MEGF9: variants seen among roughly 807,000 people sequenced by gnomAD.
MEGF9 encodes multiple epidermal growth factor-like domains protein 9.
A neutral mutation model predicts 46.8 loss-of-function variants in MEGF9; 6 were observed. That is an observed-to-expected ratio of 0.13 (90% CI 0.07 to 0.25). The LOEUF (loss-of-function observed/expected upper bound fraction) is 0.25. Among genes scored for constraint, MEGF9 ranks in the 10% least tolerant of loss-of-function variants. The pLI, the probability that MEGF9 is intolerant of heterozygous loss-of-function variation, is 1.00. For synonymous variants in MEGF9, 302 were observed against 330.7 expected (o/e 0.91, Z 0.94); for missense variants, 683 against 792.4 (o/e 0.86, Z 1.66).
At chr9:120,710,087 T>C (rs183472543) in intron 1 of MEGF9, among the ~76,000 whole-genome samples, 116 of 149,410 alleles carry the variant, frequency 7.8e-4, no homozygotes, top group Non-Finnish European at 1.3e-3. Flanking sequence ...GTCTTACTGA[T>C]TATTATTACC....
intron 1 of MEGF9, among the ~76,000 whole-genome samples, chr9:120,660,662 T>C (rs915651861): frequency 6.6e-6 from 1 of 152,194 alleles, no homozygotes; most frequent in Non-Finnish European, 1.5e-5. Flanking sequence ...AAAGACTCAT[T>C]TAAAGGTCAG....
chr9:120,628,394 C>T (rs1210533867), intron 2 of MEGF9, among the ~76,000 whole-genome samples: 2 of 146,900 alleles, frequency 1.4e-5, no homozygotes, highest in Non-Finnish European at 3.0e-5. Context: ...CTAAACATTC[C>T]TTGTATTTTT....
intron 1 of MEGF9, among the ~76,000 whole-genome samples, chr9:120,688,542 G>A (rs757666318): frequency 1.6e-4 from 25 of 152,108 alleles, no homozygotes; most frequent in Non-Finnish European, 3.1e-4. Context: ...CAAAATTAAC[G>A]CCCTCATGGA....
chr9:120,659,787 CAG>C lies in MEGF9; in HGVS notation c.602-214_602-213del, dbSNP rs1491519585. Among the ~76,000 whole-genome samples the C allele has an allele frequency of 6.6e-5, 8 of 120,628 alleles. No homozygotes were observed. The South Asian group carries it at 1.4e-3, about 22-fold the overall frequency. The allele number at this position is 120,628 out of a possible 152,430, so 79.1% of individuals were successfully genotyped here. ...CATAAATTATGTAGTGTGTGTGTGA[CAG>C]TGTGTGTGTGTGTGTGTGTGTGTGT... is the stretch of plus-strand genomic sequence containing the variant. On this transcript the variant is annotated intron_variant, in intron 1 of 5. Transcript: ENST00000373930.
chr9:120,697,109 G>A (rs2043881119), intron 1 of MEGF9, among the ~76,000 whole-genome samples: 1 of 152,190 alleles, frequency 6.6e-6, no homozygotes, highest in African/African-American at 2.4e-5. Context: ...TGGAGACAGG[G>A]TCTCGCTCTG....
Position 120,633,953 on chromosome 9 carries a change from T to C in MEGF9, c.804-11198A>G, listed in dbSNP as rs193301259. ...CATTACAGTCAGAAAAGATACCTGA[T>C]ATAATATTAATTCTTTTAAATTTGT... is the stretch of plus-strand genomic sequence containing the variant. On this transcript the variant is annotated intron_variant, in intron 2 of 5. Coordinates refer to ENST00000373930, the MANE Select transcript of MEGF9 (RefSeq NM_001080497.3). Among the ~76,000 whole-genome samples, 358 of 152,346 alleles carry C rather than the reference T, an allele frequency of 2.3e-3. 2 individuals are homozygous for C. Among genetic ancestry groups the C allele is most frequent in the African/African-American group, 8.3e-3 (347 of 41,592 alleles).
At chr9:120,616,816 G>T (rs2043474999) in intron 3 of MEGF9, among the ~76,000 whole-genome samples, 1 of 152,018 alleles carries the variant, frequency 6.6e-6, no homozygotes, top group Admixed American at 6.6e-5. Flanking sequence ...TGTAAAATGG[G>T]ATAATAATTC....
intron 1 of MEGF9, among the ~76,000 whole-genome samples, chr9:120,695,900 G>T (rs530655484): frequency 6.6e-6 from 1 of 152,302 alleles, no homozygotes; most frequent in East Asian, 1.9e-4. Flanking sequence ...CTGCAGCCAG[G>T]GCATGGGCCA....
chr9:120,667,201 G>T, intron 1 of MEGF9, among the ~76,000 whole-genome samples: 1 of 152,102 alleles, frequency 6.6e-6, no homozygotes, highest in East Asian at 1.9e-4. Context: ...CGTCCACAGG[G>T]GACCCAACTA....
chr9:120,626,766 T>C (rs2043527285), intron 2 of MEGF9, among the ~76,000 whole-genome samples: 1 of 152,248 alleles, frequency 6.6e-6, no homozygotes, highest in South Asian at 2.1e-4. Flanking sequence ...TACTAGTGAC[T>C]AGCTGGCACA....
intron 1 of MEGF9, among the ~76,000 whole-genome samples, chr9:120,686,969 G>GTGTA (rs150904897): frequency 6.6e-6 from 1 of 151,274 alleles, no homozygotes; most frequent in Non-Finnish European, 1.5e-5. Context: ...GTGTGTATGT[G>GTGTA]TATATATATA....
chr9:120,637,880 A>G (rs1313034271), intron 2 of MEGF9, among the ~76,000 whole-genome samples: 1 of 151,816 alleles, frequency 6.6e-6, no homozygotes, highest in Non-Finnish European at 1.5e-5. Flanking sequence ...AAATGTAGAG[A>G]CAAAATATAG....
chr9:120,704,951 G>A (rs557228658), intron 1 of MEGF9, among the ~76,000 whole-genome samples: 1 of 152,130 alleles, frequency 6.6e-6, no homozygotes, highest in East Asian at 1.9e-4. Context: ...TTCATAAATA[G>A]GAAAATAAAT....
At chr9:120,668,247 A>G (rs1022676602) in intron 1 of MEGF9, among the ~76,000 whole-genome samples, 10 of 152,192 alleles carry the variant, frequency 6.6e-5, no homozygotes, top group Non-Finnish European at 4.4e-5. Context: ...TAACATTAAT[A>G]CTCAATTTAC....
At chr9:120,646,419 C>T (rs1461835907) in intron 2 of MEGF9, among the ~76,000 whole-genome samples, 1 of 152,208 alleles carries the variant, frequency 6.6e-6, no homozygotes, top group Non-Finnish European at 1.5e-5. Context: ...GTCCCCACTC[C>T]TCTTCCACTT....
chr9:120,650,948 A>G (rs2043646896), intron 2 of MEGF9, among the ~76,000 whole-genome samples: 1 of 151,788 alleles, frequency 6.6e-6, no homozygotes, highest in Non-Finnish European at 1.5e-5. Context: ...TTCTTTTTCT[A>G]CTCTGAACTA....
intron 2 of MEGF9, among the ~76,000 whole-genome samples, chr9:120,629,619 T>A (rs191841320): frequency 6.1e-5 from 9 of 148,314 alleles, no homozygotes; most frequent in African/African-American, 2.3e-4. Context: ...CCAGCCTGGG[T>A]GACAGAGTGA....
At chr9:120,609,009 C>G (rs1277993591) in intron 4 of MEGF9, among the ~76,000 whole-genome samples, 1 of 152,192 alleles carries the variant, frequency 6.6e-6, no homozygotes, top group Non-Finnish European at 1.5e-5. Context: ...CCCCTACATT[C>G]ACTTTGAACT....
chr9:120,635,381 T>C (rs2043569573), intron 2 of MEGF9, among the ~76,000 whole-genome samples: 1 of 152,244 alleles, frequency 6.6e-6, no homozygotes, highest in South Asian at 2.1e-4. Context: ...GGGAATTTTT[T>C]AGCTATTATT....
Sources: allele counts gnomAD v4.1 joint callset (sites outside exome capture counted in the v4.1 genomes callset), GRCh38; gene constraint gnomAD v4.1.1; transcripts MANE v1.5; gene names NCBI Gene and HGNC (gene_info 2026-07-23, HGNC 2026-07-21).